SLC39A8: variants seen among roughly 807,000 people sequenced by gnomAD.
The protein encoded by SLC39A8 is solute carrier family 39 member 8, also known as metal cation symporter ZIP8.
A neutral mutation model predicts 40.4 loss-of-function variants in SLC39A8; 15 were observed. The observed-to-expected ratio is 0.37, with a 90% CI of 0.25 to 0.57. The LOEUF (loss-of-function observed/expected upper bound fraction) is 0.57, where lower values mean the gene tolerates loss of function less well. Ranked by LOEUF, SLC39A8 falls within the 20% of genes least tolerant of loss-of-function variation. The probability of loss-of-function intolerance (pLI) is 0.75; values close to 1 mark genes in which losing one functional copy is unlikely to be tolerated. For missense variants in SLC39A8, 472 were observed against 558.8 expected, an observed-to-expected ratio of 0.84 and a Z score of 1.57; for synonymous variants, 223 against 221.6, an observed-to-expected ratio of 1.01 and a Z score of -0.06.
At chr4:102,334,446 T>A (rs776361572) in intron 2 of SLC39A8, among the ~76,000 whole-genome samples, 1 of 152,214 alleles carries the variant, frequency 6.6e-6, no homozygotes, top group Non-Finnish European at 1.5e-5. Flanking sequence ...CTTTGCAAGG[T>A]TAAAAACTAG....
intron 6 of SLC39A8, among the ~76,000 whole-genome samples, chr4:102,300,837 A>G (rs1283253975): frequency 1.3e-5 from 2 of 151,910 alleles, no homozygotes; most frequent in African/African-American, 4.8e-5. Flanking sequence ...ACTATCACTT[A>G]TATTGTAATA....
chr4:102,257,223 C>T (rs1445160873), downstream of SLC39A8, among the ~76,000 whole-genome samples: 3 of 151,204 alleles, frequency 2.0e-5, no homozygotes, highest in East Asian at 3.9e-4. Context: ...GGCATTATCT[C>T]GGCTCACTGC....
At chr4:102,327,231 A>G (rs1348429890) in intron 2 of SLC39A8, among the ~76,000 whole-genome samples, 1 of 152,204 alleles carries the variant, frequency 6.6e-6, no homozygotes, top group African/African-American at 2.4e-5. Flanking sequence ...ACTGCAATCC[A>G]GCCTGGGTGA....
chr4:102,252,934 T>C (rs1185999889), exon 12 of SLC39A8: 1 of 151,188 alleles, frequency 6.6e-6, no homozygotes. Flanking sequence ...TTGCTGGCAA[T>C]TGTTGACATT....
intron 2 of SLC39A8, among the ~76,000 whole-genome samples, chr4:102,326,090 G>A (rs1735185470): frequency 6.6e-6 from 1 of 152,136 alleles, no homozygotes. Context: ...GGGGGCAGAG[G>A]CCACCCTACT....
At chr4:102,256,834 G>A (rs1422733955), downstream of SLC39A8, among the ~76,000 whole-genome samples, 7 of 152,172 alleles carry the variant, frequency 4.6e-5, no homozygotes, top group Non-Finnish European at 8.8e-5. Context: ...AGGTGAGGCA[G>A]GTCCATTAAT....
In SLC39A8 at chr4:102,343,091, C is replaced by G. The variant is rs184609828; in HGVS notation, c.219+1353G>C. 3.3e-5 allele frequency among the ~76,000 whole-genome samples: 5 copies of G among 152,262 alleles called. No individual in the cohort carries two copies. The East Asian group carries it at 9.6e-4, about 29-fold the overall frequency. On this transcript the variant is annotated intron_variant, in intron 2 of 8. Coordinates refer to ENST00000356736, the MANE Select transcript of SLC39A8 (RefSeq NM_001135146.2). ...TCCATTTTTCCAACACATCATTTCT[C>G]AGATATTACCCCAGATAAAATACCA...
At chr4:102,304,687 T>G (rs1468997427) in intron 5 of SLC39A8, among the ~76,000 whole-genome samples, 1 of 151,804 alleles carries the variant, frequency 6.6e-6, no homozygotes, top group Non-Finnish European at 1.5e-5. Context: ...TTGTTCGTGT[T>G]AGAACACGTA....
rs1172380077 is a variant in SLC39A8, at chr4:102,261,859, A to G, written c.*1185T>C. On this transcript the variant is annotated 3_prime_UTR_variant, in exon 9 of 9. Coordinates refer to ENST00000356736, the MANE Select transcript of SLC39A8 (RefSeq NM_001135146.2). ...GGCTTTGTCAATCATTTTCCTCACC[A>G]TCAAATCACCTTAAGTGACTTGGGA... The G allele has an allele frequency of 1.6e-5, 16 of 985,376 alleles. No homozygotes were observed. The highest frequency in any genetic ancestry group is 1.9e-5 in the Non-Finnish European group (16 of 829,454). The allele number at this position is 985,376 out of a possible 1,614,324, so 61.0% of individuals were successfully genotyped here.
intron 2 of SLC39A8, among the ~76,000 whole-genome samples, chr4:102,342,351 T>G (rs1735978403): frequency 6.6e-6 from 1 of 152,094 alleles, no homozygotes; most frequent in Non-Finnish European, 1.5e-5. Context: ...AAATACAAAT[T>G]AGCCCGGTGT....
In SLC39A8 at chr4:102,344,424, C is replaced by T. The variant is rs1204006885; in HGVS notation, c.219+20G>A. The T allele has an allele frequency of 6.7e-7, 1 of 1,500,174 alleles. No individual in the cohort carries two copies. Among genetic ancestry groups the T allele is most frequent in the Non-Finnish European group, 8.9e-7 (1 of 1,122,992 alleles). 92.9% of individuals were successfully genotyped at this position (1,500,174 alleles called of 1,614,324 possible). ...GGGACACCCACAGTACGGAGGGCTG[C>T]CCGGACCTGGCGGCCTTACCTGGTT... On this transcript the variant is annotated intron_variant, in intron 2 of 8. Coordinates refer to ENST00000356736, the MANE Select transcript of SLC39A8 (RefSeq NM_001135146.2).
chr4:102,342,158 A>AT (rs1419794768), intron 2 of SLC39A8, among the ~76,000 whole-genome samples: 1 of 152,162 alleles, frequency 6.6e-6, no homozygotes, highest in African/African-American at 2.4e-5. Context: ...TTAGATTGGT[A>AT]TTTCATTTGT....
At chr4:102,281,057 C>T (rs1203900046) in intron 6 of SLC39A8, among the ~76,000 whole-genome samples, 3 of 152,130 alleles carry the variant, frequency 2.0e-5, no homozygotes, top group African/African-American at 7.2e-5. Context: ...TAAAAGGCTG[C>T]TTACTGTTGC....
intron 6 of SLC39A8, among the ~76,000 whole-genome samples, chr4:102,277,172 T>G (rs535391258): frequency 3.9e-5 from 6 of 152,274 alleles, no homozygotes; most frequent in Non-Finnish European, 8.8e-5. Flanking sequence ...TAAGGGGTAT[T>G]CAAATAGGAA....
chr4:102,297,539 C>G (rs532630134), intron 6 of SLC39A8, among the ~76,000 whole-genome samples: 1 of 151,926 alleles, frequency 6.6e-6, no homozygotes, highest in South Asian at 2.1e-4. Context: ...TTGGGAGTAG[C>G]AGATTGAGGA....
downstream of SLC39A8, among the ~76,000 whole-genome samples, chr4:102,260,658 A>T (rs192270124): frequency 1.7e-3 from 261 of 152,326 alleles, 2 homozygotes; most frequent in Non-Finnish European, 2.7e-3. Context: ...TGCTCCTTCC[A>T]CACTTGTTTT....
intron 6 of SLC39A8, among the ~76,000 whole-genome samples, chr4:102,300,830 A>G (rs1218015836): frequency 1.3e-5 from 2 of 151,940 alleles, no homozygotes; most frequent in Non-Finnish European, 2.9e-5. Flanking sequence ...TAAAATCACT[A>G]TCACTTATAT....
chr4:102,344,547 G>T lies in SLC39A8; in HGVS notation c.116C>A (p.Ala39Glu). Residue 39 changes from alanine to glutamate, a missense_variant, in exon 2 of 9, where the codon GCG becomes GAG. Transcript: ENST00000356736. ...CTGCGCCGCCGACAGGCTCAGATTC[G>T]CGCCGAACACGCTCAGCACATCCTC... is the stretch of plus-strand genomic sequence containing the variant. ...FSEDVLSVFG[A>E]NLSLSAAQLQ... 1 of 1,557,056 alleles carries T rather than the reference G, an allele frequency of 6.4e-7. No homozygotes were observed. Among genetic ancestry groups the T allele is most frequent in the South Asian group, 1.2e-5 (1 of 84,248 alleles).
At chr4:102,295,247 T>C (rs905432538) in intron 6 of SLC39A8, among the ~76,000 whole-genome samples, 4 of 150,708 alleles carry the variant, frequency 2.7e-5, no homozygotes, top group Non-Finnish European at 5.9e-5. Flanking sequence ...ACAGATTATC[T>C]CCAGAACTCA....
Sources: allele counts gnomAD v4.1 joint callset (sites outside exome capture counted in the v4.1 genomes callset), GRCh38; gene constraint gnomAD v4.1.1; transcripts MANE v1.5; gene names NCBI Gene and HGNC (gene_info 2026-07-23, HGNC 2026-07-21).